The following VASH1 variants were observed in gnomAD, a reference collection of about 807,000 sequenced individuals.
VASH1 encodes vasohibin 1.
Under a neutral mutation model 35.0 loss-of-function variants are expected in VASH1, and 16 were observed. The ratio of observed to expected loss-of-function variants is 0.46; its 90% CI spans 0.31 to 0.70. VASH1 has a LOEUF of 0.70. Ranked by LOEUF, VASH1 falls within the 30% of genes least tolerant of loss-of-function variation. VASH1 has a pLI of 0.05. For missense variants in VASH1, 505 were observed against 510.7 expected (o/e 0.99, Z 0.11); for synonymous variants, 214 against 200.9 (o/e 1.07, Z -0.55).
At chr14:76,764,559 A>G (rs767537111) in intron 1 of VASH1, among the ~76,000 whole-genome samples, 20 of 152,142 alleles carry the variant, frequency 1.3e-4, no homozygotes, top group Non-Finnish European at 2.2e-4. Context: ...TCTTCCACCT[A>G]TTTGAGATGC....
intron 4 of VASH1, among the ~76,000 whole-genome samples, chr14:76,775,118 GGGCCCTGT>G (rs1425442794): frequency 6.6e-6 from 1 of 152,234 alleles, no homozygotes; most frequent in African/African-American, 2.4e-5. Context: ...TGACAGACAA[GGGCCCTGT>G]GCTTGGGAGG....
chr14:76,772,112 T>C (rs983705873), intron 3 of VASH1, among the ~76,000 whole-genome samples: 6 of 152,150 alleles, frequency 3.9e-5, no homozygotes, highest in African/African-American at 1.4e-4. Context: ...TGGTGGTGGG[T>C]GCCTGTAATC....
chr14:76,778,178 T>C, intron 6 of VASH1, 107 bp downstream of exon 6: 5 of 840,372 alleles, frequency 5.9e-6, no homozygotes, highest in South Asian at 2.6e-5. Flanking sequence ...TTCTCTCTTT[T>C]TCGCTCCCAC....
At chr14:76,763,648 G>A (rs972208878) in intron 1 of VASH1, among the ~76,000 whole-genome samples, 17 of 152,246 alleles carry the variant, frequency 1.1e-4, no homozygotes, top group African/African-American at 4.1e-4. Flanking sequence ...CAGCCAGTAA[G>A]TGGCAGAACT....
intron 3 of VASH1, 82 bp downstream of exon 3, chr14:76,771,328 G>T (rs1000584999): frequency 2.2e-6 from 3 of 1,339,184 alleles, no homozygotes; most frequent in Middle Eastern, 2.0e-4. Context: ...TGGAGAGGAA[G>T]TTTATGGGGC....
At chr14:76,763,624 A>T (rs190378289) in intron 1 of VASH1, among the ~76,000 whole-genome samples, 225 of 152,340 alleles carry the variant, frequency 1.5e-3, no homozygotes, top group African/African-American at 5.3e-3. Flanking sequence ...CTCAAGTAGG[A>T]ACTCAAGATC....
At chr14:76,767,755 G>A (rs1172977109) in intron 1 of VASH1, among the ~76,000 whole-genome samples, 2 of 152,256 alleles carry the variant, frequency 1.3e-5, no homozygotes, top group African/African-American at 4.8e-5. Context: ...AAAGGTGCAG[G>A]TGCTGTCTGC....
intron 1 of VASH1, among the ~76,000 whole-genome samples, chr14:76,768,772 A>G (rs188054671): frequency 6.6e-6 from 1 of 152,242 alleles, no homozygotes; most frequent in East Asian, 1.9e-4. Context: ...GCCCCTGAGC[A>G]CAGACTGTGA....
chr14:76,762,961 A>G lies in VASH1; in HGVS notation c.140A>G (p.Glu47Gly), dbSNP rs1431545552. 8 of 1,559,042 alleles carry G rather than the reference A, an allele frequency of 5.1e-6. No homozygotes were observed. Among genetic ancestry groups the G allele is most frequent in the Non-Finnish European group, 5.2e-6 (6 of 1,151,730 alleles). The change falls in exon 1 of 7, where the codon GAG becomes GGG. Residue 47 changes from glutamate to glycine, a missense_variant. Transcript: ENST00000167106. ...GCCCAGAGAGATGAGGAGCCAGAAG[A>G]GGAAGGGGAAGAGGACCTGCGAGAC... ...TSAQRDEEPE[E>G]EGEEDLRDGG... is the part of the protein sequence containing the mutation.
In VASH1 at chr14:76,782,523, G is replaced by C. The variant is rs1361775171; in HGVS notation, c.*3505G>C. The stretch of plus-strand genomic sequence containing the variant: ...AGCAACATCTGTGAGCCCAGTGTCT[G>C]CCCTGTGTCCCTGGGCTCGCTCCAA... On this transcript the variant is annotated 3_prime_UTR_variant, in exon 7 of 7. Transcript: ENST00000167106. The C allele has an allele frequency of 6.6e-6, 1 of 152,242 alleles. No homozygotes were observed. The highest frequency in any genetic ancestry group is 6.5e-5 in the Admixed American group (1 of 15,292). The allele number at this position is 152,242 out of a possible 1,614,324, so 9.4% of individuals were successfully genotyped here.
At chr14:76,766,677 A>G (rs1477911347) in intron 1 of VASH1, among the ~76,000 whole-genome samples, 3 of 152,072 alleles carry the variant, frequency 2.0e-5, no homozygotes, top group Admixed American at 6.6e-5. Flanking sequence ...CCTGGGCTCA[A>G]GCCATCCTCC....
chr14:76,778,872 G>A (rs982164139), intron 6 of VASH1, 74 bp from the exon 7 acceptor site: 25 of 1,444,382 alleles, frequency 1.7e-5, no homozygotes, highest in South Asian at 3.4e-5. Flanking sequence ...CCAGGCAGCC[G>A]CTGCTGGCTC....
chr14:76,774,900 C>T (rs1893891443), intron 4 of VASH1: 1 of 152,324 alleles, frequency 6.6e-6, no homozygotes, highest in Admixed American at 6.5e-5. Flanking sequence ...ATCTCTGAGC[C>T]TGGGAGTCCT....
At chr14:76,778,774 C>T (rs983800259) in intron 6 of VASH1, among the ~76,000 whole-genome samples, 172 bp from the exon 7 acceptor site, 2 of 152,216 alleles carry the variant, frequency 1.3e-5, no homozygotes, top group Non-Finnish European at 2.9e-5. Context: ...TCAGACAGCA[C>T]AGGCGGGCCA....
At position 76,776,023 on chromosome 14, in the gene VASH1, G is replaced by A; in HGVS notation, c.662G>A (p.Ser221Asn). Residue 221 changes from serine (S) to asparagine (N), a missense_variant, in exon 5 of 7, where the codon AGT becomes AAT. Coordinates refer to ENST00000167106, the MANE Select transcript of VASH1 (RefSeq NM_014909.5). ...FAGRYGALGM[S>N]RREDLMYKPP... is the part of the protein sequence containing the mutation. ...GGCCGCTACGGTGCGCTGGGCATGAGTCGGCGCGAGGACCTGATGTACAAG... is the reference window on the plus strand; with the variant it reads ...GGCCGCTACGGTGCGCTGGGCATGAATCGGCGCGAGGACCTGATGTACAAG... 1.2e-6 allele frequency: 2 copies of A among 1,612,560 alleles called. No homozygotes were observed. Among genetic ancestry groups the A allele is most frequent in the Non-Finnish European group, 1.7e-6 (2 of 1,179,832 alleles).
chr14:76,778,637 A>G (rs1894012707), intron 6 of VASH1, among the ~76,000 whole-genome samples: 1 of 152,198 alleles, frequency 6.6e-6, no homozygotes, highest in Non-Finnish European at 1.5e-5. Flanking sequence ...CTTTTATCTA[A>G]GAGGCTTTTG....
At chr14:76,769,830 G>A in intron 1 of VASH1, 133 bp from the exon 2 acceptor site, 2 of 872,654 alleles carry the variant, frequency 2.3e-6, no homozygotes, top group East Asian at 2.5e-5. Context: ...AAGAAAGGAA[G>A]CTCAAGTGGG....
intron 3 of VASH1, 112 bp from the exon 4 acceptor site, chr14:76,773,025 G>C (rs533410441): frequency 2.0e-6 from 2 of 1,020,362 alleles, no homozygotes; most frequent in Non-Finnish European, 2.9e-6. Context: ...AGCAGCTTAG[G>C]GGGCAGCCTC....
In VASH1 at chr14:76,762,723, T is replaced by G; in HGVS notation, c.-99T>G. 8.8e-7 allele frequency: 1 copy of G among 1,130,710 alleles called. No individual in the cohort carries two copies. The highest frequency in any genetic ancestry group is 1.2e-6 in the Non-Finnish European group (1 of 835,848). The allele number at this position is 1,130,710 out of a possible 1,614,324, so 70.0% of individuals were successfully genotyped here. ...ACGCCCTGATTTCTTAAAGGCGCCT[T>G]GCACTCTGGCCATGTGTTATCTCTG... On this transcript the variant is annotated 5_prime_UTR_variant, in exon 1 of 7. Transcript: ENST00000167106.
Sources: gnomAD v4.1 joint callset for allele counts (sites outside exome capture counted in the v4.1 genomes callset) on GRCh38, gnomAD v4.1.1 for gene constraint, MANE v1.5 for transcripts, NCBI Gene and HGNC (gene_info 2026-07-23, HGNC 2026-07-21) for gene names.